Variants in SPNS3 observed in about 807,000 individuals in gnomAD.
The protein encoded by SPNS3 is SPNS lysolipid transporter 3, sphingosine-1-phosphate (putative).
SPNS3 carries 51 observed loss-of-function variants against 54.4 expected under a neutral mutation model. The ratio of observed to expected loss-of-function variants is 0.94; its 90% confidence interval spans 0.75 to 1.18. The LOEUF (loss-of-function observed/expected upper bound fraction) is 1.18. SPNS3 is among the 50% of genes most tolerant of loss of function. The pLI, the probability that SPNS3 is intolerant of heterozygous loss-of-function variation, is 0.00. For missense variants in SPNS3, 669 were observed against 677.4 expected, an observed-to-expected ratio of 0.99 and a Z score of 0.14; for synonymous variants, 309 against 294.7, an observed-to-expected ratio of 1.05 and a Z score of -0.50.
chr17:4,482,363 T>C (rs1972185481), intron 9 of SPNS3: 1 of 152,226 alleles, frequency 6.6e-6, no homozygotes, highest in Non-Finnish European at 1.5e-5. Context: ...CTGAGTCTGA[T>C]TCAGTGGGTC....
chr17:4,472,600 G>T (rs1050021639), intron 8 of SPNS3, among the ~76,000 whole-genome samples: 3 of 152,084 alleles, frequency 2.0e-5, no homozygotes, highest in Non-Finnish European at 4.4e-5. Context: ...GCCATTGTTG[G>T]CTTTCTCTGT....
rs55928003 is a variant in SPNS3 at position 4,461,361 on chromosome 17, C to CTTTTTT, written c.1113+8177_1113+8182dup. 6.9e-3 allele frequency among the ~76,000 whole-genome samples: 232 copies of CTTTTTT among 33,410 alleles called. 28 individuals carry two copies. Among genetic ancestry groups the CTTTTTT allele is most frequent in the Non-Finnish European group, 0.01 (172 of 16,574 alleles). 21.9% of individuals were successfully genotyped at this position (33,410 alleles called of 152,430 possible). On this transcript the variant is annotated intron_variant, in intron 8 of 11. Coordinates refer to ENST00000355530, the MANE Select transcript of SPNS3 (RefSeq NM_182538.5). ...TATTTGCTTTCTTTTCTTTTCTTTT[C>CTTTTTT]TTTTTTTTTTTTTTTTTTTTTTTTT...
chr17:4,487,709 CAG>C, intron 11 of SPNS3, 95 bp from the exon 12 acceptor site: 1 of 1,065,846 alleles, frequency 9.4e-7, no homozygotes, highest in Non-Finnish European at 1.4e-6. Flanking sequence ...GCATTTGGGA[CAG>C]AGAGGATTTC....
chr17:4,466,901 C>A (rs536279400), intron 8 of SPNS3, among the ~76,000 whole-genome samples: 2 of 152,122 alleles, frequency 1.3e-5, no homozygotes, highest in African/African-American at 4.8e-5. Flanking sequence ...CTCTGGAGAG[C>A]AACAGCAGGG....
chr17:4,486,559 AC>A lies in SPNS3; in HGVS notation c.1429del (p.Arg477GlyfsTer127). 6.2e-7 allele frequency: 1 copy of A among 1,612,370 alleles called. No individual in the cohort carries two copies. Among genetic ancestry groups the A allele is most frequent in the South Asian group, 1.1e-5 (1 of 90,970 alleles). On this transcript the variant is annotated frameshift_variant, in exon 11 of 12. Transcript: ENST00000355530. LOFTEE classifies it low-confidence loss of function (END_TRUNC). This position sits in a 1 kb window ranked among gnomAD's most constrained non-coding sequence, Gnocchi z 5.5. ...LTALYLERDETRAWQPVTGTP... is the reference protein window; with the variant it reads ...LTALYLERDEXRAWQPVTGTP... ...TGCGCTGTACCTGGAGAGAGACGAG[AC>A]CCGGGCCTGGCAGCCTGTCACAGGT...
intron 8 of SPNS3, among the ~76,000 whole-genome samples, chr17:4,478,214 C>T (rs1321527300): frequency 5.3e-5 from 8 of 151,984 alleles, no homozygotes; most frequent in African/African-American, 1.4e-4. Context: ...TCAAGTGATC[C>T]GCCCACCTCA....
In SPNS3 at chr17:4,472,774, C is replaced by CATTTTTTTTTTTTT. The variant is rs1567572187; in HGVS notation, c.1114-5798_1114-5797insATTTTTTTTTTTTT. Among the ~76,000 whole-genome samples, 54 of 50,968 alleles carry CATTTTTTTTTTTTT rather than the reference C, an allele frequency of 1.1e-3. 1 individual carries two copies. Among genetic ancestry groups the CATTTTTTTTTTTTT allele is most frequent in the African/African-American group, 4.7e-3 (53 of 11,262 alleles). The allele number at this position is 50,968 out of a possible 152,430, so 33.4% of individuals were successfully genotyped here. A position where few individuals can be genotyped will look rare whatever the true frequency, so the allele number is the denominator to read the frequency against. ...ATTGTCTGCTCTTTTGCTTGGCAGC[C>CATTTTTTTTTTTTT]TTTTTTTTTTTTTTTTTTTTTTTTT... On this transcript the variant is annotated intron_variant, in intron 8 of 11. Transcript: ENST00000355530.
In SPNS3 at chr17:4,486,161, AG is replaced by A; in HGVS notation, c.1180-65del. Reference sequence around the variant, plus strand: ...TCACTCCTCCAGGCAGGTCCTTGGCAGGTGGGGAACAGCAGGCAAGGGTGCC... The same window carrying A: ...TCACTCCTCCAGGCAGGTCCTTGGCAGTGGGGAACAGCAGGCAAGGGTGCC... On this transcript the variant is annotated intron_variant, in intron 9 of 11. Coordinates refer to ENST00000355530, the MANE Select transcript of SPNS3 (RefSeq NM_182538.5). The surrounding 1 kb of genome is among the most constrained non-coding windows in gnomAD (Gnocchi z 5.5). 7.2e-7 allele frequency: 1 copy of A among 1,396,868 alleles called. No homozygotes were observed. Among genetic ancestry groups the A allele is most frequent in the Non-Finnish European group, 9.5e-7 (1 of 1,054,682 alleles). 86.5% of individuals were successfully genotyped at this position (1,396,868 alleles called of 1,614,324 possible).
rs113543680 is a variant in SPNS3 at position 4,486,408 on chromosome 17, G to T, written c.1279-4G>T. On this transcript the variant is annotated splice_region_variant and splice_polypyrimidine_tract_variant and intron_variant, in intron 10 of 11. Coordinates refer to ENST00000355530, the MANE Select transcript of SPNS3 (RefSeq NM_182538.5). The surrounding 1 kb of genome is among the most constrained non-coding windows in gnomAD (Gnocchi z 5.5). ...CTGGCAGACTCATCCCTTCTCCTCC[G>T]CAGATCTCTAGTGTCCTGCGGGCCA... 1.9e-5 allele frequency: 30 copies of T among 1,601,834 alleles called. 1 individual carries two copies. Among genetic ancestry groups the T allele is most frequent in the African/African-American group, 1.5e-4 (11 of 74,616 alleles).
In SPNS3 at chr17:4,453,037, C is replaced by A; in HGVS notation, c.945C>A (p.Thr315=). The part of the protein sequence containing the change: ...NPDSLIFGAL[T]IMTGVIGVIL... The stretch of plus-strand genomic sequence containing the variant: ...TCAGCCTGATTTTTGGGGCACTGAC[C>A]ATCATGACCGGCGTCATTGGGGTCA... The change falls in exon 8 of 12, where the codon ACC becomes ACA. Residue 315 remains threonine (T), a synonymous_variant. Coordinates refer to ENST00000355530, the MANE Select transcript of SPNS3 (RefSeq NM_182538.5). The A allele has an allele frequency of 1.2e-6, 2 of 1,613,814 alleles. No individual in the cohort carries two copies. Among genetic ancestry groups the A allele is most frequent in the Non-Finnish European group, 1.7e-6 (2 of 1,179,774 alleles).
chr17:4,486,129 TG>T lies in SPNS3; in HGVS notation c.1180-97del. 1 of 1,049,740 alleles carries T rather than the reference TG, an allele frequency of 9.5e-7. No homozygotes were observed. Among genetic ancestry groups the T allele is most frequent in the Non-Finnish European group, 1.3e-6 (1 of 756,438 alleles). The allele number at this position is 1,049,740 out of a possible 1,614,324, so 65.0% of individuals were successfully genotyped here. On this transcript the variant is annotated intron_variant, in intron 9 of 11. Transcript: ENST00000355530. The surrounding 1 kb of genome is among the most constrained non-coding windows in gnomAD (Gnocchi z 5.5). Reference sequence around the variant, plus strand: ...CTCCCTCCCATCCCACTCACCTGAATGGCCTGTCACTCCTCCAGGCAGGTCC... The same window carrying T: ...CTCCCTCCCATCCCACTCACCTGAATGCCTGTCACTCCTCCAGGCAGGTCC...
Position 4,448,276 on chromosome 17 carries a change from G to A in SPNS3, c.743G>A (p.Cys248Tyr), listed in dbSNP as rs1971054958. ...GTGGGAGGCTTCAGGAGCAGCTGGT[G>A]TGAGGACGTCAGATACCTGGGGAAA... ...GAVGGFRSSW[C>Y]EDVRYLGKNW... is the part of the protein sequence containing the mutation. The change falls in exon 6 of 12, where the codon TGT (cysteine) becomes TAT (tyrosine). Residue 248 changes from cysteine (C) to tyrosine (Y), a missense_variant. Cys to Tyr is a radical substitution (Grantham distance 194, BLOSUM62 -2). Transcript: ENST00000355530. 6.3e-7 allele frequency: 1 copy of A among 1,585,908 alleles called. No homozygotes were observed. The highest frequency in any genetic ancestry group is 1.4e-5 in the African/African-American group (1 of 73,762).
chr17:4,442,072 T>C (rs563813196), intron 2 of SPNS3, among the ~76,000 whole-genome samples: 1 of 150,412 alleles, frequency 6.6e-6, no homozygotes, highest in Non-Finnish European at 1.5e-5. Context: ...AAAAATTTCA[T>C]GAAAGGACAG....
chr17:4,471,944 C>T (rs1024099240), intron 8 of SPNS3, among the ~76,000 whole-genome samples: 12 of 152,080 alleles, frequency 7.9e-5, no homozygotes, highest in African/African-American at 2.9e-4. Context: ...CTGCAACCTC[C>T]ACCTCCTGGG....
intron 1 of SPNS3, among the ~76,000 whole-genome samples, chr17:4,438,439 GTTC>G (rs1436631389): frequency 1.3e-5 from 2 of 152,230 alleles, no homozygotes; most frequent in East Asian, 1.9e-4. Flanking sequence ...AGTGAGGATT[GTTC>G]TTCTTCATAA....
chr17:4,447,562 C>T (rs762754681), intron 5 of SPNS3, among the ~76,000 whole-genome samples: 2 of 152,172 alleles, frequency 1.3e-5, no homozygotes, highest in Non-Finnish European at 2.9e-5. Context: ...CAGCCCAGTG[C>T]CGGGGAGCTG....
At chr17:4,436,949 A>G (rs929647729) in intron 1 of SPNS3, among the ~76,000 whole-genome samples, 4 of 152,312 alleles carry the variant, frequency 2.6e-5, no homozygotes, top group Admixed American at 1.3e-4. Context: ...GGGACCCGCT[A>G]TCTCTGCCGC....
rs377646502 is a variant in SPNS3 at position 4,434,032 on chromosome 17, C to A, written c.65C>A (p.Pro22Gln). The A allele has an allele frequency of 1.6e-5, 25 of 1,606,908 alleles. No individual in the cohort carries two copies. The highest frequency in any genetic ancestry group is 2.1e-5 in the Non-Finnish European group (25 of 1,176,738). The change falls in exon 1 of 12, where the codon CCA becomes CAA. Residue 22 changes from proline to glutamine, a missense_variant. Coordinates refer to ENST00000355530, the MANE Select transcript of SPNS3 (RefSeq NM_182538.5). ...CCAGGAGGTCTGCAGGGCCAGTCCC[C>A]AGGGCCAGGCAGGCAGTGTCCCCCT... is the stretch of plus-strand genomic sequence containing the variant. Reference protein sequence around the residue: ...PGPGGLQGQSPGPGRQCPPPI... With the variant: ...PGPGGLQGQSQGPGRQCPPPI...
intron 8 of SPNS3, among the ~76,000 whole-genome samples, chr17:4,458,545 T>C (rs376514439): frequency 0.15 from 14,701 of 98,874 alleles, 2,987 homozygotes; most frequent in Admixed American, 0.27. Flanking sequence ...CCTTCCTTCC[T>C]TTCCTTCCTT....
Sources: gnomAD v4.1 joint callset for allele counts (sites outside exome capture counted in the v4.1 genomes callset) on GRCh38, gnomAD v4.1.1 for gene constraint, Gnocchi (gnomAD v3.1) non-coding constraint, MANE v1.5 for transcripts, NCBI Gene and HGNC (gene_info 2026-07-23, HGNC 2026-07-21) for gene names.